Variants in MAP2K5 observed in about 807,000 individuals in gnomAD.
The protein encoded by MAP2K5 is mitogen-activated protein kinase kinase 5.
A neutral mutation model predicts 83.1 loss-of-function variants in MAP2K5; 49 were observed. That is an observed-to-expected ratio of 0.59 (90% CI 0.47 to 0.75). MAP2K5 has a LOEUF of 0.75. MAP2K5 is among the 30% of genes least tolerant of loss of function. The pLI is 0.00. For synonymous variants in MAP2K5, 202 were observed against 191.8 expected (o/e 1.05, Z -0.44); for missense variants, 457 against 557.5 (o/e 0.82, Z 1.82).
chr15:67,596,413 CA>C (rs969520918), intron 7 of MAP2K5, among the ~76,000 whole-genome samples: 2 of 150,784 alleles, frequency 1.3e-5, no homozygotes, highest in Middle Eastern at 3.2e-3. Flanking sequence ...GACTCTGTCT[CA>C]AAAAAAACTC....
chr15:67,627,970 C>T, intron 8 of MAP2K5: 1 of 770,834 alleles, frequency 1.3e-6, no homozygotes, highest in Non-Finnish European at 2.2e-6. Flanking sequence ...GGGGAACACT[C>T]ACAGACTGTG....
intron 3 of MAP2K5, among the ~76,000 whole-genome samples, chr15:67,568,806 A>T (rs934557113): frequency 6.6e-6 from 1 of 152,004 alleles, no homozygotes; most frequent in Non-Finnish European, 1.5e-5. Context: ...AGAGATCGTG[A>T]CCATCCTGAC....
chr15:67,763,490 T>C (rs1280756250), intron 19 of MAP2K5, among the ~76,000 whole-genome samples: 2 of 152,204 alleles, frequency 1.3e-5, no homozygotes, highest in African/African-American at 2.4e-5. Flanking sequence ...ACAGCAGATA[T>C]GTACATTGAG....
chr15:67,632,843 A>C (rs946417723), intron 9 of MAP2K5, among the ~76,000 whole-genome samples: 24 of 152,248 alleles, frequency 1.6e-4, no homozygotes, highest in African/African-American at 5.3e-4. Context: ...AATGAAATCC[A>C]GAGTTCTTCT....
intron 1 of MAP2K5, among the ~76,000 whole-genome samples, chr15:67,548,570 A>G (rs1346019065): frequency 6.6e-6 from 1 of 152,220 alleles, no homozygotes; most frequent in Non-Finnish European, 1.5e-5. Context: ...ACACATGAGG[A>G]AAGTGAGGCA....
chr15:67,703,893 G>GAA (rs201034391), intron 16 of MAP2K5, among the ~76,000 whole-genome samples: 3 of 151,254 alleles, frequency 2.0e-5, no homozygotes, highest in African/African-American at 7.3e-5. Flanking sequence ...TGTTTTAAAA[G>GAA]AAAAAAAAAT....
intron 21 of MAP2K5, among the ~76,000 whole-genome samples, chr15:67,784,827 T>A (rs1359772065): frequency 6.6e-6 from 1 of 152,214 alleles, no homozygotes; most frequent in African/African-American, 2.4e-5. Context: ...CAAGAGATGA[T>A]GTTCCTCAAG....
chr15:67,798,522 A>T (rs1375585142), intron 21 of MAP2K5, among the ~76,000 whole-genome samples: 1 of 152,202 alleles, frequency 6.6e-6, no homozygotes, highest in Non-Finnish European at 1.5e-5. Context: ...CTGTAAGTAC[A>T]GGCCCTAGAA....
At chr15:67,745,081 G>C (rs892556158) in intron 17 of MAP2K5, among the ~76,000 whole-genome samples, 4 of 152,054 alleles carry the variant, frequency 2.6e-5, no homozygotes, top group Non-Finnish European at 5.9e-5. Context: ...CTATCAAAAT[G>C]CAACTAGTTC....
chr15:67,553,691 A>G (rs995229910), intron 2 of MAP2K5, among the ~76,000 whole-genome samples: 21 of 152,060 alleles, frequency 1.4e-4, no homozygotes, highest in South Asian at 1.0e-3. Context: ...AGGCAGGTGG[A>G]TCATGAGGTC....
intron 9 of MAP2K5, chr15:67,641,652 C>A: frequency 3.0e-6 from 3 of 984,776 alleles, no homozygotes; most frequent in Non-Finnish European, 3.6e-6. Flanking sequence ...AGTGGAAATG[C>A]ACCAAGGTAT....
chr15:67,788,778 C>T (rs953169672), intron 21 of MAP2K5, among the ~76,000 whole-genome samples: 7 of 151,870 alleles, frequency 4.6e-5, no homozygotes, highest in African/African-American at 1.7e-4. Context: ...GTTCGAGACC[C>T]GCCTGGGCAA....
Position 67,690,818 on chromosome 15 carries a change from G to A in MAP2K5, c.848-1661G>A, listed in dbSNP as rs2088091257. ...CAAAGTGTTGGGATTACATGCGTGAGCCACTGCTCCCGGCCATGTATTAGT... is the reference window on the plus strand; with the variant it reads ...CAAAGTGTTGGGATTACATGCGTGAACCACTGCTCCCGGCCATGTATTAGT... On this transcript the variant is annotated intron_variant, in intron 13 of 21. Transcript: ENST00000178640. The surrounding 1 kb of genome is among the most constrained non-coding windows in gnomAD (Gnocchi z 4.3). Among the ~76,000 whole-genome samples the A allele has an allele frequency of 6.6e-6, 1 of 152,198 alleles. No individual in the cohort carries two copies. The highest frequency in any genetic ancestry group is 2.4e-5 in the African/African-American group (1 of 41,446).
intron 12 of MAP2K5, chr15:67,659,020 G>C (rs1431954702): frequency 3.7e-6 from 1 of 267,218 alleles, no homozygotes; most frequent in Non-Finnish European, 7.4e-6. Flanking sequence ...TAAGAACAAA[G>C]TAGTATTAGT....
chr15:67,628,922 T>A lies in MAP2K5; in HGVS notation c.546-1966T>A, dbSNP rs1596680266. On this transcript the variant is annotated intron_variant, in intron 8 of 21. Transcript: ENST00000178640. Reference sequence around the variant, plus strand: ...ATGGCTATAATGGATTTAGTAATAATGGAAGCAATTTTGGAGGTGGTGGAA... The same window carrying A: ...ATGGCTATAATGGATTTAGTAATAAAGGAAGCAATTTTGGAGGTGGTGGAA... 8.0e-6 allele frequency: 6 copies of A among 754,240 alleles called. No homozygotes were observed. In the South Asian group the frequency reaches 8.1e-5, roughly 10 times the overall value. 46.7% of individuals were successfully genotyped at this position (754,240 alleles called of 1,614,324 possible).
Position 67,774,171 on chromosome 15 carries a change from G to A in MAP2K5, c.1242+1419G>A, listed in dbSNP as rs57726475. On this transcript the variant is annotated intron_variant, in intron 21 of 21. Transcript: ENST00000178640. This position sits in a 1 kb window ranked among gnomAD's most constrained non-coding sequence, Gnocchi z 4.9. ...GAAAGCAAGTGATGTGTGTGTATGT[G>A]TGTGTGTGTGTGTGTGTGTGTGTGT... Among the ~76,000 whole-genome samples, 1 of 1,132 alleles carries A rather than the reference G, an allele frequency of 8.8e-4. No homozygotes were observed. The highest frequency in any genetic ancestry group is 0.026 in the South Asian group (1 of 38). The allele number at this position is 1,132 out of a possible 152,430, so 0.7% of individuals were successfully genotyped here. A position where few individuals can be genotyped will look rare whatever the true frequency, so the allele number is the denominator to read the frequency against.
chr15:67,609,000 A>G (rs575428134), intron 8 of MAP2K5, among the ~76,000 whole-genome samples: 2 of 152,260 alleles, frequency 1.3e-5, no homozygotes, highest in South Asian at 2.1e-4. Context: ...GATGGACACA[A>G]TGTGTTGTTC....
intron 11 of MAP2K5, among the ~76,000 whole-genome samples, chr15:67,650,657 A>C (rs1415583734): frequency 6.6e-6 from 1 of 152,148 alleles, no homozygotes. Context: ...AAAATGAACC[A>C]GTCTTGCAGT....
chr15:67,583,698 T>C (rs1322684076), intron 4 of MAP2K5, among the ~76,000 whole-genome samples: 1 of 152,128 alleles, frequency 6.6e-6, no homozygotes, highest in East Asian at 1.9e-4. Flanking sequence ...TTAAAAAGAA[T>C]CTTTAGACTG....
Sources: gnomAD v4.1 joint callset for allele counts (sites outside exome capture counted in the v4.1 genomes callset) on GRCh38, gnomAD v4.1.1 for gene constraint, Gnocchi (gnomAD v3.1) non-coding constraint, MANE v1.5 for transcripts, NCBI Gene and HGNC (gene_info 2026-07-23, HGNC 2026-07-21) for gene names.